The following MALRD1 variants were observed in gnomAD, a reference collection of about 807,000 sequenced individuals.
The protein encoded by MALRD1 is MAM and LDL-receptor class A domain-containing protein 1.
MALRD1 carries 247 observed loss-of-function variants against 242.1 expected under a neutral mutation model. The ratio of observed to expected loss-of-function variants is 1.02; its 90% CI spans 0.92 to 1.13. The LOEUF (loss-of-function observed/expected upper bound fraction) is 1.13, where lower values mean the gene tolerates loss of function less well. Among genes scored for constraint, MALRD1 ranks in the 50% most tolerant of loss-of-function variants. The pLI is 0.00. For missense variants in MALRD1, 2,989 were observed against 2,533.1 expected (o/e 1.18, Z -3.86); for synonymous variants, 995 against 866.6 (o/e 1.15, Z -2.60).
intron 36 of MALRD1, among the ~76,000 whole-genome samples, chr10:19,660,460 T>C (rs1841376900): frequency 6.6e-6 from 1 of 152,072 alleles, no homozygotes; most frequent in Non-Finnish European, 1.5e-5. Flanking sequence ...ATTTAATGAG[T>C]CACTCTGTAT....
intron 14 of MALRD1, among the ~76,000 whole-genome samples, chr10:19,196,478 C>G (rs1374909956): frequency 6.6e-6 from 1 of 151,842 alleles, no homozygotes; most frequent in Non-Finnish European, 1.5e-5. Flanking sequence ...TGGTATCACC[C>G]TCCTCCTTCA....
intron 2 of MALRD1, among the ~76,000 whole-genome samples, chr10:19,081,580 C>T (rs1344424763): frequency 2.0e-5 from 3 of 152,048 alleles, no homozygotes; most frequent in Non-Finnish European, 4.4e-5. Context: ...CACAGGGACA[C>T]ATGGCAGGGA....
intron 25 of MALRD1, 90 bp downstream of exon 25, chr10:19,348,108 G>C (rs1294481155): frequency 1.5e-5 from 21 of 1,433,368 alleles, no homozygotes; most frequent in Non-Finnish European, 1.9e-5. Flanking sequence ...AGAGTGGCTG[G>C]GGCCAGAGAA....
chr10:19,715,067 T>G (rs1319576029), intron 38 of MALRD1, among the ~76,000 whole-genome samples: 1 of 152,174 alleles, frequency 6.6e-6, no homozygotes, highest in Non-Finnish European at 1.5e-5. Context: ...CTTTTCCTCT[T>G]AAAATTGAAA....
chr10:19,347,918 C>T lies in MALRD1; in HGVS notation c.4049C>T (p.Ser1350Phe), dbSNP rs996071740. 1 of 1,550,302 alleles carries T rather than the reference C, an allele frequency of 6.5e-7. No homozygotes were observed. Among genetic ancestry groups the T allele is most frequent in the Non-Finnish European group, 8.7e-7 (1 of 1,146,822 alleles). Reference sequence around the variant, plus strand: ...GCAGATCACACTTTGGGAAATTCATCTGGTCATTACATCTTTATAAAGAGT... The same window carrying T: ...GCAGATCACACTTTGGGAAATTCATTTGGTCATTACATCTTTATAAAGAGT... The part of the protein sequence containing the change: ...PAADHTLGNS[S>F]GHYIFIKSLF... The change falls in exon 25 of 40, where the codon TCT (serine) becomes TTT (phenylalanine). Residue 1350 changes from serine (S) to phenylalanine (F), a missense_variant. Transcript: ENST00000454679.
intron 1 of MALRD1, among the ~76,000 whole-genome samples, chr10:19,057,973 TC>T (rs1590368794): frequency 6.6e-6 from 1 of 152,210 alleles, no homozygotes. Flanking sequence ...AAGTTGGCCT[TC>T]CAAATTAGTT....
chr10:19,585,388 G>A (rs970619169), intron 33 of MALRD1, among the ~76,000 whole-genome samples: 17 of 151,812 alleles, frequency 1.1e-4, no homozygotes, highest in East Asian at 1.9e-4. Flanking sequence ...TGTGTTTAGC[G>A]CTTCCTTCAG....
intron 32 of MALRD1, among the ~76,000 whole-genome samples, chr10:19,538,635 C>T (rs532382018): frequency 6.6e-6 from 1 of 152,182 alleles, no homozygotes; most frequent in African/African-American, 2.4e-5. Context: ...CTACAAATAG[C>T]AGTTAACTTG....
intron 5 of MALRD1, among the ~76,000 whole-genome samples, chr10:19,120,494 C>T (rs1200159368): frequency 6.6e-6 from 1 of 152,052 alleles, no homozygotes; most frequent in Non-Finnish European, 1.5e-5. Flanking sequence ...CATGGATGAA[C>T]CTCAAAAACA....
intron 23 of MALRD1, among the ~76,000 whole-genome samples, chr10:19,330,978 A>C (rs1477975283): frequency 2.6e-5 from 4 of 152,080 alleles, no homozygotes; most frequent in Non-Finnish European, 5.9e-5. Context: ...GTATCTTTTC[A>C]CTCTTGGTAC....
At chr10:19,315,770 A>G (rs1842677312) in intron 21 of MALRD1, among the ~76,000 whole-genome samples, 1 of 141,718 alleles carries the variant, frequency 7.1e-6, no homozygotes, top group South Asian at 2.1e-4. Flanking sequence ...ATATATGTAT[A>G]TAATATGTAT....
At chr10:19,535,576 C>CAT (rs1564422240) in intron 32 of MALRD1, among the ~76,000 whole-genome samples, 7 of 147,550 alleles carry the variant, frequency 4.7e-5, no homozygotes, top group African/African-American at 1.8e-4. Flanking sequence ...TATGTATATA[C>CAT]GTATATATAT....
At chr10:19,530,380 TA>T (rs1476925072) in intron 31 of MALRD1, among the ~76,000 whole-genome samples, 1 of 75,276 alleles carries the variant, frequency 1.3e-5, no homozygotes, top group Non-Finnish European at 2.2e-5. Flanking sequence ...TTTATATAAA[TA>T]TTATATATTT....
chr10:19,210,958 G>A (rs1837025080), intron 18 of MALRD1, among the ~76,000 whole-genome samples: 1 of 152,110 alleles, frequency 6.6e-6, no homozygotes, highest in African/African-American at 2.4e-5. Flanking sequence ...GCATCGTTCT[G>A]GTCTCCCACA....
At chr10:19,563,019 G>A (rs1020664143) in intron 32 of MALRD1, among the ~76,000 whole-genome samples, 3 of 152,114 alleles carry the variant, frequency 2.0e-5, no homozygotes, top group Admixed American at 2.0e-4. Flanking sequence ...TTGATTTTCA[G>A]TTTATTCAGC....
chr10:19,681,687 G>A (rs1025130972), intron 36 of MALRD1, among the ~76,000 whole-genome samples: 6 of 152,052 alleles, frequency 3.9e-5, no homozygotes, highest in Admixed American at 6.6e-5. Flanking sequence ...CCTCAGCCCA[G>A]TTCTGTGCCC....
intron 21 of MALRD1, among the ~76,000 whole-genome samples, chr10:19,304,679 G>A (rs945185441): frequency 1.3e-5 from 2 of 151,590 alleles, no homozygotes; most frequent in East Asian, 1.9e-4. Flanking sequence ...TTTGAAAAAT[G>A]TTTCATCATT....
chr10:19,123,556 T>C lies in MALRD1; in HGVS notation c.759T>C (p.Asp253=), dbSNP rs974138832. The C allele has an allele frequency of 8.1e-7, 1 of 1,233,638 alleles. No individual in the cohort carries two copies. Among genetic ancestry groups the C allele is most frequent in the African/African-American group, 1.6e-5 (1 of 64,494 alleles). The allele number at this position is 1,233,638 out of a possible 1,614,324, so 76.4% of individuals were successfully genotyped here. A position where few individuals can be genotyped will look rare whatever the true frequency, so the allele number is the denominator to read the frequency against. ...AERELCHPDT[D]LCRFDATDEE... ...GGGAGCTATGCCATCCAGATACAGA[T>C]CTCTGCAGATTTGATGCTACAGATG... The change falls in exon 6 of 40, where the codon GAT becomes GAC. Residue 253 remains aspartate (D), a synonymous_variant. Coordinates refer to ENST00000454679, the MANE Select transcript of MALRD1 (RefSeq NM_001142308.3).
At chr10:19,673,839 A>G (rs1303056687) in intron 36 of MALRD1, among the ~76,000 whole-genome samples, 2 of 151,814 alleles carry the variant, frequency 1.3e-5, no homozygotes, top group African/African-American at 4.8e-5. Context: ...CTATTTTAAT[A>G]TATGTACATA....
Sources: gnomAD v4.1 joint callset for allele counts (sites outside exome capture counted in the v4.1 genomes callset) on GRCh38, gnomAD v4.1.1 for gene constraint, MANE v1.5 for transcripts, NCBI Gene and HGNC (gene_info 2026-07-23, HGNC 2026-07-21) for gene names.